Variants in PGAM1 observed in about 807,000 individuals in gnomAD.
PGAM1 encodes BPG-dependent PGAM 1.
PGAM1 carries 21 observed loss-of-function variants against 23.5 expected under a neutral mutation model. The ratio of observed to expected loss-of-function variants is 0.89; its 90% CI spans 0.63 to 1.29. PGAM1 has a LOEUF of 1.29. Ranked by LOEUF, PGAM1 falls within the 50% of genes most tolerant of loss-of-function variation. The pLI, the probability that PGAM1 is intolerant of heterozygous loss-of-function variation, is 0.00. For missense variants in PGAM1, 232 were observed against 336.3 expected (o/e 0.69, Z 2.42); for synonymous variants, 109 against 128.6 (o/e 0.85, Z 1.03).
intron 1 of PGAM1, among the ~76,000 whole-genome samples, chr10:97,426,868 C>T (rs1345092135): frequency 6.6e-6 from 1 of 152,034 alleles, no homozygotes; most frequent in African/African-American, 2.4e-5. Flanking sequence ...AACCCCGTCT[C>T]TATTGAAAAT....
chr10:97,426,611 T>G (rs1055776576), intron 1 of PGAM1, among the ~76,000 whole-genome samples, 165 bp downstream of exon 1: 2 of 152,232 alleles, frequency 1.3e-5, no homozygotes, highest in African/African-American at 4.8e-5. Context: ...AGAGTCTACT[T>G]GTTCAAGGTC....
intron 3 of PGAM1, 119 bp from the exon 4 acceptor site, chr10:97,432,236 A>T: frequency 7.4e-7 from 1 of 1,352,008 alleles, no homozygotes. Context: ...TATAAAGATC[A>T]GAAAGGGTGT....
At chr10:97,432,215 T>G in intron 3 of PGAM1, 140 bp from the exon 4 acceptor site, 13 of 1,202,416 alleles carry the variant, frequency 1.1e-5, no homozygotes, top group Non-Finnish European at 1.5e-5. Context: ...ATTCCCTGGG[T>G]TCAGAACTAC....
chr10:97,430,071 A>G (rs1242407792), intron 1 of PGAM1, among the ~76,000 whole-genome samples: 1 of 151,886 alleles, frequency 6.6e-6, no homozygotes, highest in African/African-American at 2.4e-5. Context: ...AAGAAAAGAA[A>G]AAGTGACAGT....
chr10:97,426,811 A>G (rs1381117961), intron 1 of PGAM1, among the ~76,000 whole-genome samples: 1 of 152,212 alleles, frequency 6.6e-6, no homozygotes. Context: ...AGGCGGGTGG[A>G]TCACTTGCGG....
intron 1 of PGAM1, among the ~76,000 whole-genome samples, chr10:97,429,795 C>A (rs906420473): frequency 3.3e-5 from 5 of 152,060 alleles, no homozygotes; most frequent in Admixed American, 3.3e-4. Flanking sequence ...GATTTAAATC[C>A]TAATTTTCTT....
At position 97,433,338 on chromosome 10, in the gene PGAM1, T is replaced by C. The variant is rs1041911552; in HGVS notation, c.*814T>C. On this transcript the variant is annotated 3_prime_UTR_variant, in exon 4 of 4. Transcript: ENST00000334828. The stretch of plus-strand genomic sequence containing the variant: ...GTATCTTTCACTGATTTCTGAATCA[T>C]GTTCTAGTTGCTTGACCCTGCCACA... 1.5e-4 allele frequency: 23 copies of C among 152,282 alleles called. No homozygotes were observed. The highest frequency in any genetic ancestry group is 5.6e-4 in the African/African-American group (23 of 41,308). 9.4% of individuals were successfully genotyped at this position (152,282 alleles called of 1,614,324 possible).
chr10:97,432,478 G>A lies in PGAM1; in HGVS notation c.719G>A (p.Arg240His), dbSNP rs371468578. Reference sequence around the variant, plus strand: ...TTTCTGGGGGATGAAGAGACGGTGCGCAAAGCCATGGAAGCTGTGGCTGCC... The same window carrying A: ...TTTCTGGGGGATGAAGAGACGGTGCACAAAGCCATGGAAGCTGTGGCTGCC... The part of the protein sequence containing the change: ...MQFLGDEETV[R>H]KAMEAVAAQG... The change falls in exon 4 of 4, where the codon CGC becomes CAC. Residue 240 changes from arginine (R) to histidine (H), a missense_variant. This residue lies in a region of PGAM1 where 191 missense variants were observed against 241.7 expected (regional missense o/e 0.79). Transcript: ENST00000334828. The A allele has an allele frequency of 2.9e-5, 46 of 1,608,816 alleles. No individual in the cohort carries two copies. The highest frequency in any genetic ancestry group is 3.3e-5 in the Admixed American group (2 of 59,898).
At chr10:97,430,211 G>T (rs1845454350) in intron 1 of PGAM1, among the ~76,000 whole-genome samples, 168 bp from the exon 2 acceptor site, 1 of 152,168 alleles carries the variant, frequency 6.6e-6, no homozygotes, top group Admixed American at 6.6e-5. Context: ...CCACATAATA[G>T]CTGTGACCTT....
chr10:97,426,443 C>T lies in PGAM1; in HGVS notation c.136C>T (p.Arg46Ter), dbSNP rs1845410694. The T allele has an allele frequency of 6.2e-7, 1 of 1,600,560 alleles. No individual in the cohort carries two copies. Among genetic ancestry groups the T allele is most frequent in the Non-Finnish European group, 8.5e-7 (1 of 1,174,594 alleles). ...EEAKRGGQAL[R>*]DAGYEFDICF... ...GGCGAAGCGCGGCGGGCAGGCGCTA[C>T]GAGGTGCGGAGGGGCCGGGTGTGGG... Residue 46 changes from arginine (R) to a stop codon, truncating the protein, a stop_gained, in exon 1 of 4, where the codon CGA becomes TGA. Coordinates refer to ENST00000334828, the MANE Select transcript of PGAM1 (RefSeq NM_002629.4). LOFTEE classifies it high-confidence loss of function.
intron 1 of PGAM1, among the ~76,000 whole-genome samples, chr10:97,429,127 A>G (rs531059672): frequency 7.7e-6 from 1 of 129,408 alleles, no homozygotes; most frequent in Non-Finnish European, 1.6e-5. Context: ...TGCGTGCGAC[A>G]GAGTCTCGCT....
At chr10:97,427,442 T>A (rs1195736857) in intron 1 of PGAM1, 1 of 1,022,546 alleles carries the variant, frequency 9.8e-7, no homozygotes, top group Admixed American at 5.4e-5. Context: ...GATAAGATTT[T>A]ATCTTTCTCA....
In PGAM1 at chr10:97,427,886, C is replaced by G. The variant is rs770692351; in HGVS notation, c.139+1440C>G. 1.1e-5 allele frequency: 14 copies of G among 1,289,240 alleles called. No individual in the cohort carries two copies. In the East Asian group the frequency reaches 7.8e-4, roughly 71 times the overall value. The allele number at this position is 1,289,240 out of a possible 1,614,324, so 79.9% of individuals were successfully genotyped here. On this transcript the variant is annotated intron_variant, in intron 1 of 3. Coordinates refer to ENST00000334828, the MANE Select transcript of PGAM1 (RefSeq NM_002629.4). The stretch of plus-strand genomic sequence containing the variant: ...TTGCTCTCCTAGCTTCTTGCCTTCA[C>G]TGTACCATCCTTCTCAAATGAAGCA...
chr10:97,426,270 GCTAATCC>G lies in PGAM1; in HGVS notation c.-36_-30del, dbSNP rs1845407186. Reference sequence around the variant, plus strand: ...GGGGCGGGCTGCTACTCCGGAATCTGCTAATCCCAGTCGGTGCCGCATCCCCAGCCCG... The same window carrying G: ...GGGGCGGGCTGCTACTCCGGAATCTGCAGTCGGTGCCGCATCCCCAGCCCG... On this transcript the variant is annotated 5_prime_UTR_variant, in exon 1 of 4. Coordinates refer to ENST00000334828, the MANE Select transcript of PGAM1 (RefSeq NM_002629.4). 1 of 1,609,620 alleles carries G rather than the reference GCTAATCC, an allele frequency of 6.2e-7. No individual in the cohort carries two copies. Among genetic ancestry groups the G allele is most frequent in the Admixed American group, 1.7e-5 (1 of 59,914 alleles).
chr10:97,432,865 CA>C lies in PGAM1; in HGVS notation c.*342del, dbSNP rs1845486565. The C allele has an allele frequency of 3.7e-6, 1 of 269,918 alleles. No individual in the cohort carries two copies. The highest frequency in any genetic ancestry group is 7.1e-6 in the Non-Finnish European group (1 of 140,628). 16.7% of individuals were successfully genotyped at this position (269,918 alleles called of 1,614,324 possible). ...GGGAGGAACCATGCTAAGCCATGACCAGTGAGGAGAAGCAACAGAGCCTGTC... is the reference window on the plus strand; with the variant it reads ...GGGAGGAACCATGCTAAGCCATGACCGTGAGGAGAAGCAACAGAGCCTGTC... On this transcript the variant is annotated 3_prime_UTR_variant, in exon 4 of 4. Transcript: ENST00000334828.
rs899065375 is a variant in PGAM1, at chr10:97,432,583, G to A, written c.*59G>A. ...CCCTCCCTGCCCGTCTTGTCCCTCTGCCCCTCCCACCTGCACATGTCACAC... is the reference window on the plus strand; with the variant it reads ...CCCTCCCTGCCCGTCTTGTCCCTCTACCCCTCCCACCTGCACATGTCACAC... On this transcript the variant is annotated 3_prime_UTR_variant, in exon 4 of 4. Coordinates refer to ENST00000334828, the MANE Select transcript of PGAM1 (RefSeq NM_002629.4). 4 of 1,055,076 alleles carry A rather than the reference G, an allele frequency of 3.8e-6. No homozygotes were observed. Among genetic ancestry groups the A allele is most frequent in the Non-Finnish European group, 5.8e-6 (4 of 695,458 alleles). The allele number at this position is 1,055,076 out of a possible 1,614,324, so 65.4% of individuals were successfully genotyped here. A position where few individuals can be genotyped will look rare whatever the true frequency, so the allele number is the denominator to read the frequency against.
At chr10:97,426,483 G>A in intron 1 of PGAM1, 37 bp downstream of exon 1, 1 of 1,536,740 alleles carries the variant, frequency 6.5e-7, no homozygotes, top group Non-Finnish European at 8.7e-7. Context: ...GAAGGGCCGG[G>A]TGTCCGGCCT....
intron 1 of PGAM1, among the ~76,000 whole-genome samples, chr10:97,426,820 G>T (rs926454517): frequency 1.3e-5 from 2 of 152,028 alleles, no homozygotes; most frequent in Non-Finnish European, 2.9e-5. Context: ...GATCACTTGC[G>T]GTCAGGATGT....
At chr10:97,427,171 C>G (rs1845420083) in intron 1 of PGAM1, 3 of 566,128 alleles carry the variant, frequency 5.3e-6, no homozygotes, top group Non-Finnish European at 6.7e-6. Flanking sequence ...CGCCCTGTGC[C>G]TTAAAGCAGC....
Sources: gnomAD v4.1 joint callset for allele counts (sites outside exome capture counted in the v4.1 genomes callset) on GRCh38, gnomAD v4.1.1 for gene constraint, gnomAD v4.1.1 regional missense constraint, MANE v1.5 for transcripts, NCBI Gene and HGNC (gene_info 2026-07-23, HGNC 2026-07-21) for gene names.